ANK2: variants seen among roughly 807,000 people sequenced by gnomAD.
ANK2 encodes the protein ankyrin-2.
In ANK2, 83 loss-of-function variants were observed where a neutral mutation model predicts 360.5. The ratio of observed to expected loss-of-function variants is 0.23; its 90% CI spans 0.19 to 0.28. The LOEUF (loss-of-function observed/expected upper bound fraction) is 0.28, where lower values mean the gene tolerates loss of function less well. ANK2 is among the 10% of genes least tolerant of loss of function. The pLI, the probability that ANK2 is intolerant of heterozygous loss-of-function variation, is 1.00. For missense variants in ANK2, 4,201 were observed against 4,795.7 expected (o/e 0.88, Z 3.66); for synonymous variants, 1,740 against 1,759.5 (o/e 0.99, Z 0.28).
In ANK2 at chr4:113,145,814, ACAGAGTG is replaced by A. The variant is rs2096807674; in HGVS notation, c.85-28596_85-28590del. On this transcript the variant is annotated intron_variant, in intron 1 of 45. Transcript: ENST00000357077. ...ATTAGTGTACCCCTGGGAGCCCTGG[ACAGAGTG>A]CAGAGGGCAAGGACGGGCCCACTGA... is the stretch of plus-strand genomic sequence containing the variant. The A allele has an allele frequency of 2.3e-6, 3 of 1,282,984 alleles. No homozygotes were observed. In the Admixed American group the frequency reaches 7.0e-5, roughly 30 times the overall value. The allele number at this position is 1,282,984 out of a possible 1,614,324, so 79.5% of individuals were successfully genotyped here.
Position 113,286,435 on chromosome 4 carries a change from GTT to G in ANK2, c.2080-1167_2080-1166del, listed in dbSNP as rs2064633482. On this transcript the variant is annotated intron_variant, in intron 18 of 45. Transcript: ENST00000357077. ...AAGCCTCCTCTCACGTTGTAGAATG[GTT>G]TTCTCTCTCTAGGTTTCACTTACAT... is the stretch of plus-strand genomic sequence containing the variant. Among the ~76,000 whole-genome samples, 5 of 152,286 alleles carry G rather than the reference GTT, an allele frequency of 3.3e-5. No individual in the cohort carries two copies. The South Asian group carries it at 1.0e-3, about 32-fold the overall frequency.
intron 2 of ANK2, among the ~76,000 whole-genome samples, chr4:113,025,985 G>A (rs147960108): frequency 2.6e-5 from 4 of 152,166 alleles, no homozygotes; most frequent in African/African-American, 9.7e-5. Context: ...AGCAGGTTAA[G>A]TAAATAAATG....
chr4:113,341,194 TG>T (rs1488982905), intron 32 of ANK2, among the ~76,000 whole-genome samples: 2 of 152,132 alleles, frequency 1.3e-5, no homozygotes, highest in Non-Finnish European at 2.9e-5. Flanking sequence ...TAGAGTTCCA[TG>T]GAAAAGAATA....
At chr4:113,340,641 G>A (rs2094164490) in intron 32 of ANK2, among the ~76,000 whole-genome samples, 1 of 152,138 alleles carries the variant, frequency 6.6e-6, no homozygotes, top group African/African-American at 2.4e-5. Flanking sequence ...AGGCTGCAGT[G>A]AGCCGTGATT....
At chr4:113,249,383 T>A (rs2153599889) in intron 9 of ANK2, among the ~76,000 whole-genome samples, 1 of 152,314 alleles carries the variant, frequency 6.6e-6, no homozygotes, top group East Asian at 1.9e-4. Context: ...TAATCCCTGT[T>A]TTCGGTTCCA....
At chr4:112,904,405 A>C in intron 1 of ANK2, 1 of 1,086,998 alleles carries the variant, frequency 9.2e-7, no homozygotes, top group South Asian at 1.7e-5. Context: ...CTTAATGATA[A>C]ATTGAAATGA....
intron 4 of ANK2, among the ~76,000 whole-genome samples, chr4:113,213,426 G>A (rs761653306): frequency 2.6e-4 from 40 of 152,278 alleles, no homozygotes; most frequent in Non-Finnish European, 4.1e-4. Flanking sequence ...TAAATGTAAA[G>A]TTCCATGCAA....
At chr4:113,154,395 T>C (rs763372366) in intron 1 of ANK2, among the ~76,000 whole-genome samples, 105 of 152,330 alleles carry the variant, frequency 6.9e-4, no homozygotes, top group Non-Finnish European at 1.2e-3. Flanking sequence ...CAAAATTTCA[T>C]TCCATTGTTG....
chr4:113,349,541 G>A (rs1305760347), intron 36 of ANK2, among the ~76,000 whole-genome samples: 2 of 151,918 alleles, frequency 1.3e-5, no homozygotes, highest in African/African-American at 2.4e-5. Context: ...CTGTCCTGCC[G>A]CACATAGCCA....
chr4:112,808,529 G>A, the ANK2 span, among the ~76,000 whole-genome samples: 2 of 152,190 alleles, frequency 1.3e-5, no homozygotes, highest in Admixed American at 1.3e-4. Context: ...GTGGGATTAA[G>A]TATTAGTTGT....
At chr4:113,093,632 G>A (rs2089644526) in intron 1 of ANK2, among the ~76,000 whole-genome samples, 1 of 152,210 alleles carries the variant, frequency 6.6e-6, no homozygotes, top group South Asian at 2.1e-4. Context: ...GAGCCACCAC[G>A]CCCAGCTAAT....
intron 2 of ANK2, among the ~76,000 whole-genome samples, chr4:112,928,808 T>C (rs1331423821): frequency 6.6e-6 from 1 of 152,036 alleles, no homozygotes; most frequent in African/African-American, 2.4e-5. Flanking sequence ...CTCCCAGAAT[T>C]GTAGAAAATA....
chr4:113,133,751 C>G (rs2096220232), intron 1 of ANK2, among the ~76,000 whole-genome samples: 3 of 152,090 alleles, frequency 2.0e-5, no homozygotes, highest in African/African-American at 7.2e-5. Context: ...TTAATCTTTT[C>G]AGCAACACCA....
intron 1 of ANK2, among the ~76,000 whole-genome samples, chr4:113,086,046 T>G (rs2084594328): frequency 6.6e-6 from 1 of 152,178 alleles, no homozygotes; most frequent in Non-Finnish European, 1.5e-5. Flanking sequence ...GTAAAAGATT[T>G]TTCCTTTTAT....
At chr4:113,123,946 T>C (rs1283990079) in intron 1 of ANK2, among the ~76,000 whole-genome samples, 1 of 152,194 alleles carries the variant, frequency 6.6e-6, no homozygotes, top group Non-Finnish European at 1.5e-5. Context: ...TTGGTTTATG[T>C]AATAACCAAT....
At chr4:112,747,602 A>G in the ANK2 span, among the ~76,000 whole-genome samples, 1 of 152,210 alleles carries the variant, frequency 6.6e-6, no homozygotes, top group African/African-American at 2.4e-5. Flanking sequence ...TTCATTTTTC[A>G]AATTGAAAGT....
At chr4:113,022,966 T>G (rs1447860014) in intron 2 of ANK2, among the ~76,000 whole-genome samples, 1 of 151,816 alleles carries the variant, frequency 6.6e-6, no homozygotes, top group Non-Finnish European at 1.5e-5. Context: ...CTCTGTGGAG[T>G]GTCTAATAGT....
chr4:112,824,293 C>T (rs2057897953), intron 1 of ANK2, among the ~76,000 whole-genome samples: 1 of 151,920 alleles, frequency 6.6e-6, no homozygotes, highest in South Asian at 2.1e-4. Context: ...GATCTTCCAG[C>T]CTCAGCCTCC....
At chr4:113,305,568 G>C (rs962616123) in intron 23 of ANK2, among the ~76,000 whole-genome samples, 1 of 152,118 alleles carries the variant, frequency 6.6e-6, no homozygotes, top group African/African-American at 2.4e-5. Flanking sequence ...TTTCCCCGAG[G>C]AAAATTCAAG....
Sources: gnomAD v4.1 joint callset for allele counts (sites outside exome capture counted in the v4.1 genomes callset) on GRCh38, gnomAD v4.1.1 for gene constraint, MANE v1.5 for transcripts, NCBI Gene and HGNC (gene_info 2026-07-23, HGNC 2026-07-21) for gene names.